DGKH: variants seen among roughly 807,000 people sequenced by gnomAD.
DGKH encodes the protein diacylglycerol kinase eta.
A neutral mutation model predicts 159.3 loss-of-function variants in DGKH; 90 were observed. The ratio of observed to expected loss-of-function variants is 0.57; its 90% confidence interval spans 0.48 to 0.67. The LOEUF is 0.67. Ranked by LOEUF, DGKH falls within the 30% of genes least tolerant of loss-of-function variation. The pLI, the probability that DGKH is intolerant of heterozygous loss-of-function variation, is 0.00. For missense variants in DGKH, 1,181 were observed against 1,506.1 expected, an observed-to-expected ratio of 0.78 and a Z score of 3.57; for synonymous variants, 536 against 553.8, an observed-to-expected ratio of 0.97 and a Z score of 0.45.
intron 30 of DGKH, among the ~76,000 whole-genome samples, chr13:42,254,601 C>T (rs1958643972): frequency 6.6e-6 from 1 of 151,278 alleles, no homozygotes; most frequent in Non-Finnish European, 1.5e-5. Context: ...CCATTGCACT[C>T]CACTAGGCAA....
intron 3 of DGKH, among the ~76,000 whole-genome samples, chr13:42,148,532 A>G (rs1036286872): frequency 1.1e-4 from 17 of 152,072 alleles, no homozygotes; most frequent in African/African-American, 7.2e-5. Flanking sequence ...CTTTCCTGCC[A>G]TTTAATAAGA....
intron 1 of DGKH, among the ~76,000 whole-genome samples, chr13:42,115,678 A>T (rs1251512091): frequency 1.3e-5 from 2 of 152,202 alleles, no homozygotes; most frequent in East Asian, 3.8e-4. Context: ...ACTTAGGAGG[A>T]TTGCTGAAGA....
intron 29 of DGKH, among the ~76,000 whole-genome samples, chr13:42,248,432 A>AG (rs1958596855): frequency 6.9e-6 from 1 of 144,676 alleles, no homozygotes. Context: ...TCTCAAAAAA[A>AG]TATATATATA....
At chr13:42,086,530 C>A (rs185732864) in intron 1 of DGKH, among the ~76,000 whole-genome samples, 3 of 152,200 alleles carry the variant, frequency 2.0e-5, no homozygotes, top group Admixed American at 1.3e-4. Flanking sequence ...CTCAAGCAAA[C>A]AACAAAAATC....
intron 1 of DGKH, among the ~76,000 whole-genome samples, chr13:42,080,525 G>C (rs374098264): frequency 6.6e-6 from 1 of 152,096 alleles, no homozygotes; most frequent in Non-Finnish European, 1.5e-5. Flanking sequence ...AACTGTTTCC[G>C]TTTCTTGGTC....
At chr13:42,201,054 G>T (rs4942099) in intron 20 of DGKH, among the ~76,000 whole-genome samples, 1 of 151,718 alleles carries the variant, frequency 6.6e-6, no homozygotes, top group Non-Finnish European at 1.5e-5. Context: ...GTGTAGTGGT[G>T]CGATCTCGGC....
chr13:42,087,803 G>A (rs749368653), intron 1 of DGKH, among the ~76,000 whole-genome samples: 45 of 148,768 alleles, frequency 3.0e-4, no homozygotes, highest in Admixed American at 2.7e-4. Context: ...TTACATAAGC[G>A]TATTTGGAGT....
intron 20 of DGKH, among the ~76,000 whole-genome samples, chr13:42,202,986 AAC>A (rs1360528541): frequency 2.6e-5 from 4 of 152,196 alleles, no homozygotes; most frequent in African/African-American, 9.6e-5. Context: ...AACTTTAAAA[AAC>A]AGTCTTCATC....
intron 30 of DGKH, chr13:42,256,081 A>G (rs539077630): frequency 3.2e-6 from 4 of 1,263,482 alleles, no homozygotes; most frequent in Non-Finnish European, 4.7e-6. Context: ...TCTTGCCTGA[A>G]AATGAACCAG....
At chr13:42,063,783 T>C (rs1458530899) in intron 1 of DGKH, among the ~76,000 whole-genome samples, 1 of 151,896 alleles carries the variant, frequency 6.6e-6, no homozygotes, top group East Asian at 1.9e-4. Context: ...CTATTAAAAA[T>C]ACAAAATTAG....
At chr13:42,228,968 G>C in intron 29 of DGKH, 131 bp from the exon 30 acceptor site, 1 of 707,514 alleles carries the variant, frequency 1.4e-6, no homozygotes. Context: ...TTTCTTGCTG[G>C]TTAAATATTT....
At position 42,240,690 on chromosome 13, in the gene DGKH, T is replaced by C. The variant is rs1394945484; in HGVS notation, c.*11502T>C. On this transcript the variant is annotated 3_prime_UTR_variant, in exon 30 of 30. Coordinates refer to ENST00000337343, the MANE Select transcript of DGKH (RefSeq NM_178009.5). ...GTGACTCTTATCACCCTCTATAGAA[T>C]ATAAAGACTAAAAATAAAAACTATT... 6 of 152,184 alleles carry C rather than the reference T, an allele frequency of 3.9e-5. No individual in the cohort carries two copies. In the East Asian group the frequency reaches 1.2e-3, roughly 29 times the overall value. 9.4% of individuals were successfully genotyped at this position (152,184 alleles called of 1,614,324 possible). A position where few individuals can be genotyped will look rare whatever the true frequency, so the allele number is the denominator to read the frequency against.
At chr13:42,097,301 C>T (rs1954558341) in intron 1 of DGKH, among the ~76,000 whole-genome samples, 1 of 152,084 alleles carries the variant, frequency 6.6e-6, no homozygotes, top group Non-Finnish European at 1.5e-5. Context: ...TGTAATTTTC[C>T]TATCTCCCTA....
chr13:42,164,962 T>A (rs1956276248), intron 7 of DGKH, among the ~76,000 whole-genome samples: 1 of 152,154 alleles, frequency 6.6e-6, no homozygotes, highest in South Asian at 2.1e-4. Flanking sequence ...TTATGGGCAA[T>A]GATATTGACA....
In DGKH at chr13:42,252,790, C is replaced by T. The variant is rs577714714; in HGVS notation, n.4127+309C>T. 2.0e-5 allele frequency among the ~76,000 whole-genome samples: 3 copies of T among 152,064 alleles called. No homozygotes were observed. The South Asian group carries it at 6.3e-4, about 32-fold the overall frequency. ...TGAGACAGAGTCTTGATCTGTCACCCAGGCTAGAGTGCAGTAGTGCGATCT... is the reference window on the plus strand; with the variant it reads ...TGAGACAGAGTCTTGATCTGTCACCTAGGCTAGAGTGCAGTAGTGCGATCT... On this transcript the variant is annotated intron_variant and non_coding_transcript_variant, in intron 30 of 30. Coordinates refer to the DGKH transcript ENST00000498255.
intron 20 of DGKH, among the ~76,000 whole-genome samples, chr13:42,204,835 C>G (rs1246339318): frequency 6.6e-6 from 1 of 152,162 alleles, no homozygotes; most frequent in African/African-American, 2.4e-5. Context: ...GACATTGAGA[C>G]CTTTTCCTTC....
In DGKH at chr13:42,160,971, A is replaced by T. The variant is rs906301571; in HGVS notation, c.855+835A>T. ...AGGAAAATAAGTCCTACAACTTTTT[A>T]GTTAGGCCTGATAGGTAAATCTGTG... is the stretch of plus-strand genomic sequence containing the variant. On this transcript the variant is annotated intron_variant, in intron 7 of 29. Transcript: ENST00000337343. Among the ~76,000 whole-genome samples the T allele has an allele frequency of 5.3e-5, 8 of 152,318 alleles. No individual in the cohort carries two copies. In the East Asian group the frequency reaches 1.5e-3, roughly 29 times the overall value.
chr13:42,152,480 T>TG (rs976509082), intron 3 of DGKH, among the ~76,000 whole-genome samples: 1 of 149,542 alleles, frequency 6.7e-6, no homozygotes, highest in African/African-American at 2.4e-5. Context: ...TACACATGTA[T>TG]ACACACACAT....
chr13:42,201,957 T>TC (rs1566186493), intron 20 of DGKH, among the ~76,000 whole-genome samples: 3 of 152,164 alleles, frequency 2.0e-5, no homozygotes, highest in Admixed American at 6.5e-5. Flanking sequence ...ATGCCTTTTT[T>TC]CCCCTACATT....
Sources: gnomAD v4.1 joint callset for allele counts (sites outside exome capture counted in the v4.1 genomes callset) on GRCh38, gnomAD v4.1.1 for gene constraint, MANE v1.5 for transcripts, NCBI Gene and HGNC (gene_info 2026-07-23, HGNC 2026-07-21) for gene names.